The following COL23A1 variants were observed in gnomAD, a reference collection of about 807,000 sequenced individuals.
The protein encoded by COL23A1 is collagen alpha-1(XXIII) chain.
COL23A1 carries 97 observed loss-of-function variants against 99.3 expected under a neutral mutation model. The observed-to-expected ratio is 0.98, with a 90% CI of 0.83 to 1.16. COL23A1 has a LOEUF of 1.16. Ranked by LOEUF, COL23A1 falls within the 50% of genes most tolerant of loss-of-function variation. COL23A1 has a pLI of 0.00. For synonymous variants in COL23A1, 320 were observed against 308.2 expected (o/e 1.04, Z -0.40); for missense variants, 762 against 757.4 (o/e 1.01, Z -0.07).
chr5:178,414,069 G>T (rs1765180020), intron 2 of COL23A1, among the ~76,000 whole-genome samples: 1 of 152,218 alleles, frequency 6.6e-6, no homozygotes, highest in Non-Finnish European at 1.5e-5. Flanking sequence ...GCTGCTGTGT[G>T]CTCCGGTCCT....
rs1421011052 is a variant in COL23A1 at position 178,358,266 on chromosome 5, G to GTGTA, written c.362-51351_362-51348dup. Among the ~76,000 whole-genome samples, 295 of 121,908 alleles carry GTGTA rather than the reference G, an allele frequency of 2.4e-3. 8 individuals carry two copies. Among genetic ancestry groups the GTGTA allele is most frequent in the African/African-American group, 8.2e-3 (240 of 29,382 alleles). 80.0% of individuals were successfully genotyped at this position (121,908 alleles called of 152,430 possible). The stretch of plus-strand genomic sequence containing the variant: ...TGTGTATGTGTGTGTATGTATATGT[G>GTGTA]TGTATATGTGTGTATGCGTGTGCGT... On this transcript the variant is annotated intron_variant, in intron 2 of 28. Transcript: ENST00000390654.
chr5:178,250,395 G>C (rs1022689808), intron 17 of COL23A1, among the ~76,000 whole-genome samples: 1 of 152,234 alleles, frequency 6.6e-6, no homozygotes, highest in East Asian at 1.9e-4. Context: ...GCCGGGACCA[G>C]ATCTGCCTGA....
chr5:178,550,953 TC>T (rs1205469375), intron 2 of COL23A1, among the ~76,000 whole-genome samples: 1 of 152,052 alleles, frequency 6.6e-6, no homozygotes, highest in East Asian at 1.9e-4. Flanking sequence ...TAACAGATAG[TC>T]TACCTTTCAC....
intron 2 of COL23A1, among the ~76,000 whole-genome samples, chr5:178,554,376 G>A (rs1011152113): frequency 6.6e-6 from 1 of 151,842 alleles, no homozygotes; most frequent in Admixed American, 6.6e-5. Flanking sequence ...ACGGGGTTTC[G>A]CCATGTTGGC....
intron 2 of COL23A1, among the ~76,000 whole-genome samples, chr5:178,435,970 C>T (rs542591711): frequency 1.3e-5 from 2 of 152,300 alleles, no homozygotes; most frequent in East Asian, 1.9e-4. Context: ...AGCCACACAG[C>T]GGTCATTACA....
Position 178,387,282 on chromosome 5 carries a change from A to G in COL23A1, c.362-80363T>C, listed in dbSNP as rs1006834979. 2.0e-5 allele frequency among the ~76,000 whole-genome samples: 3 copies of G among 151,134 alleles called. No individual in the cohort carries two copies. Among genetic ancestry groups the G allele is most frequent in the Non-Finnish European group, 4.4e-5 (3 of 67,798 alleles). ...GATCACCCCTTATGCCTGGGCCCAG[A>G]CTCCCCACTTCTCTTCCTCGTCTCC... On this transcript the variant is annotated intron_variant, in intron 2 of 28. Coordinates refer to ENST00000390654, the MANE Select transcript of COL23A1 (RefSeq NM_173465.4). The surrounding 1 kb of genome is among the most constrained non-coding windows in gnomAD (Gnocchi z 4.7).
intron 2 of COL23A1, among the ~76,000 whole-genome samples, chr5:178,416,425 G>A (rs1765313898): frequency 6.6e-6 from 1 of 152,174 alleles, no homozygotes. Context: ...TTGGCCTTGG[G>A]GAAAACCCCG....
intron 2 of COL23A1, among the ~76,000 whole-genome samples, chr5:178,470,920 G>A (rs1464328152): frequency 1.3e-5 from 2 of 152,198 alleles, no homozygotes; most frequent in Admixed American, 1.3e-4. Context: ...GTGCACTTTT[G>A]TCCATTCCTA....
intron 2 of COL23A1, among the ~76,000 whole-genome samples, chr5:178,336,593 G>A (rs2127654389): frequency 6.6e-6 from 1 of 152,346 alleles, no homozygotes; most frequent in Non-Finnish European, 1.5e-5. Context: ...GAGAGCCACT[G>A]CTTACAGGGG....
chr5:178,381,161 G>A (rs1461784307), intron 2 of COL23A1, among the ~76,000 whole-genome samples: 1 of 152,252 alleles, frequency 6.6e-6, no homozygotes, highest in African/African-American at 2.4e-5. Flanking sequence ...CACTCCACCT[G>A]TGAGGATTGG....
In COL23A1 at chr5:178,366,931, C is replaced by T. The variant is rs534256975; in HGVS notation, c.362-60012G>A. On this transcript the variant is annotated intron_variant, in intron 2 of 28. Coordinates refer to ENST00000390654, the MANE Select transcript of COL23A1 (RefSeq NM_173465.4). The surrounding 1 kb of genome is among the most constrained non-coding windows in gnomAD (Gnocchi z 4.4). Reference sequence around the variant, plus strand: ...CGCCTTCCTGGCCACACCAGATGGGCTGTGCTTTCTTCACCTCTGCATTCC... The same window carrying T: ...CGCCTTCCTGGCCACACCAGATGGGTTGTGCTTTCTTCACCTCTGCATTCC... Among the ~76,000 whole-genome samples the T allele has an allele frequency of 3.3e-5, 5 of 152,338 alleles. No homozygotes were observed. In the East Asian group the frequency reaches 9.6e-4, roughly 29 times the overall value.
intron 2 of COL23A1, among the ~76,000 whole-genome samples, chr5:178,512,567 G>C (rs556036691): frequency 4.6e-4 from 70 of 152,332 alleles, no homozygotes; most frequent in African/African-American, 1.4e-3. Flanking sequence ...CTGTGTGCCA[G>C]GATGTCAGCA....
intron 13 of COL23A1, 133 bp from the exon 14 acceptor site, chr5:178,257,061 G>C (rs1765344523): frequency 3.9e-6 from 3 of 773,150 alleles, no homozygotes; most frequent in Admixed American, 2.4e-5. Context: ...GAGTCCATGG[G>C]GGGTGTGGGC....
chr5:178,259,000 T>TTCGCTTCC (rs2127549111), intron 12 of COL23A1, among the ~76,000 whole-genome samples: 1 of 147,834 alleles, frequency 6.8e-6, no homozygotes, highest in South Asian at 2.3e-4. Context: ...CACTGCAACC[T>TTCGCTTCC]TCGCTTCCTG....
At chr5:178,343,304 A>G (rs1760772784) in intron 2 of COL23A1, among the ~76,000 whole-genome samples, 1 of 152,178 alleles carries the variant, frequency 6.6e-6, no homozygotes, top group Non-Finnish European at 1.5e-5. Context: ...GATGGGGACT[A>G]GGTGGAGGGG....
At chr5:178,289,179 C>G (rs1021396354) in intron 4 of COL23A1, among the ~76,000 whole-genome samples, 1 of 151,780 alleles carries the variant, frequency 6.6e-6, no homozygotes. Context: ...GGGCACTGAT[C>G]GGGAAACCAA....
chr5:178,540,647 C>A (rs75337842), intron 2 of COL23A1, among the ~76,000 whole-genome samples: 1 of 151,990 alleles, frequency 6.6e-6, no homozygotes. Flanking sequence ...GGTGGCTGGG[C>A]GTGGTGGCTC....
chr5:178,370,939 C>G (rs116691722), intron 2 of COL23A1, among the ~76,000 whole-genome samples: 1,613 of 152,158 alleles, frequency 0.011, 23 homozygotes, highest in African/African-American at 0.037. Flanking sequence ...GTGACCCTGT[C>G]TCACAAAGAA....
intron 2 of COL23A1, among the ~76,000 whole-genome samples, chr5:178,388,082 C>A (rs960558139): frequency 1.3e-5 from 2 of 152,202 alleles, no homozygotes; most frequent in Non-Finnish European, 2.9e-5. Context: ...GGCTCACCTG[C>A]CAGAGCCCTT....
Sources: gnomAD v4.1 joint callset for allele counts (sites outside exome capture counted in the v4.1 genomes callset) on GRCh38, gnomAD v4.1.1 for gene constraint, Gnocchi (gnomAD v3.1) non-coding constraint, MANE v1.5 for transcripts, NCBI Gene and HGNC (gene_info 2026-07-23, HGNC 2026-07-21) for gene names.